TIAM1: variants seen among roughly 807,000 people sequenced by gnomAD.
The protein encoded by TIAM1 is TIAM Rac1 associated GEF 1.
A neutral mutation model predicts 163.5 loss-of-function variants in TIAM1; 65 were observed. The ratio of observed to expected loss-of-function variants is 0.40; its 90% CI spans 0.33 to 0.49. TIAM1 has a LOEUF of 0.49. Ranked by LOEUF, TIAM1 falls within the 20% of genes least tolerant of loss-of-function variation. The probability of loss-of-function intolerance (pLI) is 0.77; values close to 1 mark genes in which losing one functional copy is unlikely to be tolerated. For missense variants in TIAM1, 1,789 were observed against 2,044.7 expected (o/e 0.87, Z 2.41); for synonymous variants, 833 against 810.1 (o/e 1.03, Z -0.48).
At chr21:31,447,363 G>C (rs556221811) in intron 2 of TIAM1, among the ~76,000 whole-genome samples, 4 of 152,104 alleles carry the variant, frequency 2.6e-5, no homozygotes, top group Non-Finnish European at 5.9e-5. Flanking sequence ...TTGAGCATAG[G>C]AGGTCAAGCC....
intron 2 of TIAM1, among the ~76,000 whole-genome samples, chr21:31,439,863 G>A (rs1049035336): frequency 6.6e-6 from 1 of 152,074 alleles, no homozygotes; most frequent in African/African-American, 2.4e-5. Flanking sequence ...AAAAGAGGGA[G>A]GGGTCTCTCG....
intron 2 of TIAM1, among the ~76,000 whole-genome samples, chr21:31,413,892 C>T (rs567635261): frequency 1.3e-5 from 2 of 152,086 alleles, no homozygotes; most frequent in African/African-American, 4.8e-5. Flanking sequence ...CCAGTCCCCC[C>T]GCAACACGAG....
chr21:31,245,689 A>G, intron 5 of TIAM1, 29 bp from the exon 6 acceptor site: 1 of 1,473,396 alleles, frequency 6.8e-7, no homozygotes, highest in East Asian at 2.6e-5. Flanking sequence ...GGTGTGCATG[A>G]GTATTCAGTG....
intron 3 of TIAM1, among the ~76,000 whole-genome samples, chr21:31,271,645 T>C (rs1019160796): frequency 1.1e-4 from 16 of 152,114 alleles, no homozygotes; most frequent in Admixed American, 2.6e-4. Flanking sequence ...CCTATCTTCC[T>C]CTTCCTTTTG....
chr21:31,270,471 A>G (rs1270918606), intron 3 of TIAM1, among the ~76,000 whole-genome samples: 2 of 152,218 alleles, frequency 1.3e-5, no homozygotes, highest in Non-Finnish European at 2.9e-5. Context: ...TGATTTACTT[A>G]TATAGAATGT....
intron 2 of TIAM1, among the ~76,000 whole-genome samples, chr21:31,377,033 C>CTTTTTTTTTTT (rs35487868): frequency 2.0e-4 from 16 of 80,942 alleles, no homozygotes; most frequent in Admixed American, 3.2e-4. Context: ...TCATTTTTGT[C>CTTTTTTTTTTT]TTTTTTTTTT....
intron 10 of TIAM1, among the ~76,000 whole-genome samples, chr21:31,211,253 G>C (rs2086874374): frequency 6.6e-6 from 1 of 152,170 alleles, no homozygotes. Flanking sequence ...ACCTAAGCAA[G>C]CTAAGCAGAT....
At chr21:31,386,622 C>G (rs1395781871) in intron 2 of TIAM1, among the ~76,000 whole-genome samples, 1 of 152,100 alleles carries the variant, frequency 6.6e-6, no homozygotes, top group Non-Finnish European at 1.5e-5. Flanking sequence ...AGCAGAGACC[C>G]CTGCAAACTG....
chr21:31,453,268 A>G (rs1326098391), intron 2 of TIAM1: 2 of 230,010 alleles, frequency 8.7e-6, no homozygotes. Flanking sequence ...TGGTAGAGGA[A>G]GCAGTCAAAG....
intron 3 of TIAM1, among the ~76,000 whole-genome samples, chr21:31,267,863 T>C (rs993617372): frequency 6.6e-6 from 1 of 152,234 alleles, no homozygotes; most frequent in African/African-American, 2.4e-5. Flanking sequence ...ATTCACATTG[T>C]GAAACCACTA....
At chr21:31,377,773 G>T (rs2076712406) in intron 2 of TIAM1, among the ~76,000 whole-genome samples, 1 of 151,478 alleles carries the variant, frequency 6.6e-6, no homozygotes, top group Admixed American at 6.6e-5. Context: ...CTCCCATCCA[G>T]ATGCGATATC....
At chr21:31,281,104 A>AC (rs2073539987) in intron 2 of TIAM1, among the ~76,000 whole-genome samples, 1 of 151,348 alleles carries the variant, frequency 6.6e-6, no homozygotes, top group Non-Finnish European at 1.5e-5. Flanking sequence ...AAAAAAAAAA[A>AC]AAAACAACGA....
intron 2 of TIAM1, among the ~76,000 whole-genome samples, chr21:31,359,819 A>AGGAAGGAT (rs2076376202): frequency 8.6e-6 from 1 of 116,096 alleles, no homozygotes; most frequent in East Asian, 2.3e-4. Context: ...GAAGGAAGGA[A>AGGAAGGAT]GGAAGGAAGG....
intron 1 of TIAM1, among the ~76,000 whole-genome samples, chr21:31,544,926 T>C (rs2048439637): frequency 1.3e-5 from 2 of 152,080 alleles, no homozygotes; most frequent in South Asian, 2.1e-4. Flanking sequence ...GGCAGGAGAA[T>C]GGCGTGAACC....
chr21:31,432,378 C>T (rs1217130018), intron 2 of TIAM1, among the ~76,000 whole-genome samples: 6 of 152,206 alleles, frequency 3.9e-5, no homozygotes, highest in Non-Finnish European at 8.8e-5. Flanking sequence ...GGATTACAGG[C>T]GTGAGCCACC....
intron 1 of TIAM1, among the ~76,000 whole-genome samples, chr21:31,510,958 A>G (rs909839119): frequency 1.3e-5 from 2 of 152,242 alleles, no homozygotes; most frequent in African/African-American, 2.4e-5. Context: ...AGACACAAAG[A>G]TACACACAGT....
In TIAM1 at chr21:31,552,467, G is replaced by C. The variant is rs139247462; in HGVS notation, c.-422+6460C>G. On this transcript the variant is annotated intron_variant, in intron 1 of 28. Coordinates refer to the TIAM1 transcript ENST00000286827. ...ACTACAAAGGTAGCTGAGAGATGTA[G>C]GCTGGATCCTTAACAAGAAACCTCC... 9.3e-4 allele frequency among the ~76,000 whole-genome samples: 142 copies of C among 152,206 alleles called. 2 individuals carry two copies. In the East Asian group the frequency reaches 0.022, roughly 24 times the overall value.
At chr21:31,179,784 G>A (rs2084929196) in intron 15 of TIAM1, among the ~76,000 whole-genome samples, 1 of 151,486 alleles carries the variant, frequency 6.6e-6, no homozygotes, top group African/African-American at 2.4e-5. Context: ...TATATAAAAT[G>A]CATTTTAAAA....
At chr21:31,155,174 C>A in intron 16 of TIAM1, among the ~76,000 whole-genome samples, 1 of 152,194 alleles carries the variant, frequency 6.6e-6, no homozygotes. Context: ...GTTTTGTCAT[C>A]CATTTGAAAC....
Sources: allele counts gnomAD v4.1 joint callset (sites outside exome capture counted in the v4.1 genomes callset), GRCh38; gene constraint gnomAD v4.1.1; transcripts MANE v1.5; gene names NCBI Gene and HGNC (gene_info 2026-07-23, HGNC 2026-07-21).